Variants in EXOC4 observed in about 807,000 individuals in gnomAD.
EXOC4 encodes the protein SEC8-like 1.
A neutral mutation model predicts 107.2 loss-of-function variants in EXOC4; 71 were observed. The observed-to-expected ratio is 0.66, with a 90% CI of 0.55 to 0.81. EXOC4 has a LOEUF of 0.81. Ranked by LOEUF, EXOC4 falls within the 30% of genes least tolerant of loss-of-function variation. EXOC4 has a pLI of 0.00. For missense variants in EXOC4, 1,108 were observed against 1,189.6 expected (o/e 0.93, Z 1.01); for synonymous variants, 456 against 441.2 (o/e 1.03, Z -0.42).
intron 9 of EXOC4, among the ~76,000 whole-genome samples, chr7:133,535,956 G>C (rs547123791): frequency 1.3e-5 from 2 of 152,242 alleles, no homozygotes; most frequent in African/African-American, 4.8e-5. Context: ...TGTCTTTTAT[G>C]ACAGTCTGAG....
intron 10 of EXOC4, among the ~76,000 whole-genome samples, chr7:133,801,860 C>T (rs142853018): frequency 6.6e-6 from 1 of 152,330 alleles, no homozygotes; most frequent in African/African-American, 2.4e-5. Flanking sequence ...AAGCTCCTGT[C>T]ATGTTGCTCC....
At chr7:133,593,611 T>C (rs1468148201) in intron 9 of EXOC4, among the ~76,000 whole-genome samples, 1 of 152,202 alleles carries the variant, frequency 6.6e-6, no homozygotes, top group Non-Finnish European at 1.5e-5. Flanking sequence ...AGCTCTTGAA[T>C]TATAGAACTC....
chr7:134,051,604 A>G (rs538072842), intron 17 of EXOC4, among the ~76,000 whole-genome samples: 3 of 149,388 alleles, frequency 2.0e-5, no homozygotes, highest in Non-Finnish European at 4.4e-5. Context: ...CTGGAGGGGC[A>G]GAGGTTGCAG....
At chr7:133,775,229 G>A (rs1299601457) in intron 10 of EXOC4, among the ~76,000 whole-genome samples, 1 of 152,148 alleles carries the variant, frequency 6.6e-6, no homozygotes. Context: ...AATCTGTAAT[G>A]TGCCTAATCT....
intron 10 of EXOC4, among the ~76,000 whole-genome samples, chr7:133,756,875 C>A (rs760471803): frequency 1.3e-5 from 2 of 152,048 alleles, no homozygotes; most frequent in Non-Finnish European, 2.9e-5. Flanking sequence ...TGGATCTGAT[C>A]TGATTATTTA....
At chr7:133,260,381 C>G (rs1483140540) in intron 1 of EXOC4, among the ~76,000 whole-genome samples, 1 of 151,822 alleles carries the variant, frequency 6.6e-6, no homozygotes, top group East Asian at 1.9e-4. Context: ...TCAAACAATT[C>G]TCCTGCTTCA....
intron 11 of EXOC4, among the ~76,000 whole-genome samples, chr7:133,862,492 G>C (rs1427833774): frequency 6.6e-6 from 1 of 151,238 alleles, no homozygotes; most frequent in Non-Finnish European, 1.5e-5. Context: ...CAGGGGGCGG[G>C]GAAAAAAAAA....
At chr7:133,701,188 C>G (rs1246697383) in intron 10 of EXOC4, among the ~76,000 whole-genome samples, 1 of 152,206 alleles carries the variant, frequency 6.6e-6, no homozygotes. Context: ...AGTAAAATGT[C>G]CTAGACTTGA....
At chr7:133,659,813 C>T (rs4728296) in intron 10 of EXOC4, among the ~76,000 whole-genome samples, 65,259 of 152,040 alleles carry the variant, frequency 0.43, 14,922 homozygotes, top group Admixed American at 0.57. Context: ...CCATTACATA[C>T]ACAGATTTTC....
chr7:133,716,291 T>C (rs994914137), intron 10 of EXOC4, among the ~76,000 whole-genome samples: 1 of 152,232 alleles, frequency 6.6e-6, no homozygotes, highest in South Asian at 2.1e-4. Flanking sequence ...TGGCTTTCAC[T>C]GTGTTGGAGA....
chr7:133,912,813 C>T (rs1397574714), intron 12 of EXOC4, among the ~76,000 whole-genome samples: 1 of 152,126 alleles, frequency 6.6e-6, no homozygotes, highest in African/African-American at 2.4e-5. Flanking sequence ...GGTTGTGGCC[C>T]TTGAGTGCAC....
intron 10 of EXOC4, among the ~76,000 whole-genome samples, chr7:133,762,920 G>A (rs1038810301): frequency 1.3e-5 from 2 of 151,970 alleles, no homozygotes; most frequent in African/African-American, 4.8e-5. Context: ...ATTTTGTTAT[G>A]CAATTAACAT....
At chr7:133,483,445 A>C (rs1402291592) in intron 9 of EXOC4, among the ~76,000 whole-genome samples, 1 of 152,188 alleles carries the variant, frequency 6.6e-6, no homozygotes, top group African/African-American at 2.4e-5. Context: ...TCTAAGTGAC[A>C]GAGGAATTTT....
At position 133,787,955 on chromosome 7, in the gene EXOC4, TTATATATTTATATATATATATATATA is replaced by T. The variant is rs1159234706; in HGVS notation, c.1515-29362_1515-29337del. ...AGATACTTCTTCCCTGTGCATATAT[TTATATATTTATATATATATATATATA>T]TATATATATATATATATATATATAT... is the stretch of plus-strand genomic sequence containing the variant. On this transcript the variant is annotated intron_variant, in intron 10 of 17. Coordinates refer to ENST00000253861, the MANE Select transcript of EXOC4 (RefSeq NM_021807.4). Among the ~76,000 whole-genome samples the T allele has an allele frequency of 6.6e-4, 21 of 31,644 alleles. 1 individual carries two copies. The highest frequency in any genetic ancestry group is 1.0e-3 in the Non-Finnish European group (17 of 16,296). The allele number at this position is 31,644 out of a possible 152,430, so 20.8% of individuals were successfully genotyped here.
At chr7:133,946,023 T>C (rs1800541240) in intron 14 of EXOC4, among the ~76,000 whole-genome samples, 1 of 152,242 alleles carries the variant, frequency 6.6e-6, no homozygotes, top group Non-Finnish European at 1.5e-5. Flanking sequence ...ATTAGAACTC[T>C]ATGCGTGGTA....
intron 10 of EXOC4, among the ~76,000 whole-genome samples, chr7:133,701,997 C>CTTTTTTTTT (rs71162021): frequency 1.1e-4 from 7 of 66,598 alleles, no homozygotes; most frequent in African/African-American, 2.7e-4. Flanking sequence ...TTCTTTCTTT[C>CTTTTTTTTT]TTTTTTTTTT....
At chr7:133,341,789 C>G (rs746805124) in intron 5 of EXOC4, among the ~76,000 whole-genome samples, 3 of 151,994 alleles carry the variant, frequency 2.0e-5, no homozygotes, top group Non-Finnish European at 4.4e-5. Flanking sequence ...TCTAATGTCC[C>G]TCTTTGTCTG....
chr7:133,569,174 T>G (rs1331975347), intron 9 of EXOC4, among the ~76,000 whole-genome samples: 1 of 151,978 alleles, frequency 6.6e-6, no homozygotes, highest in Non-Finnish European at 1.5e-5. Flanking sequence ...AAGGCCAGAT[T>G]AATAATTAAG....
intron 10 of EXOC4, among the ~76,000 whole-genome samples, chr7:133,704,871 C>G (rs1794735177): frequency 6.6e-6 from 1 of 152,140 alleles, no homozygotes; most frequent in African/African-American, 2.4e-5. Context: ...GATTTTGGAG[C>G]ATTTCAGATT....
Sources: gnomAD v4.1 joint callset for allele counts (sites outside exome capture counted in the v4.1 genomes callset) on GRCh38, gnomAD v4.1.1 for gene constraint, MANE v1.5 for transcripts, NCBI Gene and HGNC (gene_info 2026-07-23, HGNC 2026-07-21) for gene names.